The following FAF1 variants were observed in gnomAD, a reference collection of about 807,000 sequenced individuals.
FAF1 encodes the protein Fas associated factor 1.
A neutral mutation model predicts 92.5 loss-of-function variants in FAF1; 25 were observed. That is an observed-to-expected ratio of 0.27 (90% CI 0.20 to 0.38). The LOEUF (loss-of-function observed/expected upper bound fraction) is 0.38, where lower values mean the gene tolerates loss of function less well. Ranked by LOEUF, FAF1 falls within the 10% of genes least tolerant of loss-of-function variation. FAF1 has a pLI of 1.00. For missense variants in FAF1, 636 were observed against 793.3 expected, an observed-to-expected ratio of 0.80 and a Z score of 2.38; for synonymous variants, 234 against 273.2, an observed-to-expected ratio of 0.86 and a Z score of 1.42.
intron 2 of FAF1, among the ~76,000 whole-genome samples, chr1:50,853,724 T>C (rs1353937419): frequency 2.0e-5 from 3 of 152,088 alleles, no homozygotes; most frequent in Non-Finnish European, 4.4e-5. Context: ...GAAATTTTAA[T>C]TTATTGAAGG....
At chr1:50,798,887 G>C (rs1020073849) in intron 3 of FAF1, among the ~76,000 whole-genome samples, 2 of 152,074 alleles carry the variant, frequency 1.3e-5, no homozygotes, top group Non-Finnish European at 2.9e-5. Context: ...TTTTCTGTTC[G>C]TGTTTTTTTT....
chr1:50,565,109 C>T (rs977502205), intron 13 of FAF1, among the ~76,000 whole-genome samples: 2 of 151,830 alleles, frequency 1.3e-5, no homozygotes, highest in African/African-American at 4.8e-5. Context: ...AACTCAGTAC[C>T]CAGTAATTAT....
At position 50,830,658 on chromosome 1, in the gene FAF1, A is replaced by ATT. The variant is rs59396661; in HGVS notation, c.114+27269_114+27270dup. ...ATACTGTGGCTTCCTCCAGTGCTCA[A>ATT]TTTTTTTTTTTTTTTTACCAACTCC... On this transcript the variant is annotated intron_variant, in intron 2 of 18. Transcript: ENST00000396153. Among the ~76,000 whole-genome samples the ATT allele has an allele frequency of 4.4e-3, 638 of 143,824 alleles. 2 individuals are homozygous for ATT. Among genetic ancestry groups the ATT allele is most frequent in the Middle Eastern group, 7.5e-3 (2 of 268 alleles). The allele number at this position is 143,824 out of a possible 152,430, so 94.4% of individuals were successfully genotyped here. A position where few individuals can be genotyped will look rare whatever the true frequency, so the allele number is the denominator to read the frequency against.
intron 6 of FAF1, among the ~76,000 whole-genome samples, chr1:50,710,654 G>A (rs1401635271): frequency 6.6e-6 from 1 of 151,726 alleles, no homozygotes; most frequent in Non-Finnish European, 1.5e-5. Context: ...CCAGGCTGGA[G>A]TGCAGTGGTG....
At chr1:50,701,332 C>G (rs534248084) in intron 7 of FAF1, among the ~76,000 whole-genome samples, 1 of 152,048 alleles carries the variant, frequency 6.6e-6, no homozygotes, top group Non-Finnish European at 1.5e-5. Context: ...TTCTCAGTTA[C>G]CCTACTCTTA....
chr1:50,488,660 T>C (rs901300464), intron 17 of FAF1, among the ~76,000 whole-genome samples: 2 of 152,230 alleles, frequency 1.3e-5, no homozygotes, highest in Non-Finnish European at 2.9e-5. Context: ...TGTACTGGAA[T>C]GGAGTATGAG....
At chr1:50,747,298 G>T (rs1438095137) in intron 4 of FAF1, among the ~76,000 whole-genome samples, 5 of 152,208 alleles carry the variant, frequency 3.3e-5, no homozygotes, top group African/African-American at 1.2e-4. Context: ...AGCCACAGGG[G>T]TGTAGCTGCC....
intron 6 of FAF1, among the ~76,000 whole-genome samples, chr1:50,726,057 A>G (rs1234641193): frequency 1.3e-5 from 2 of 152,020 alleles, no homozygotes; most frequent in East Asian, 3.9e-4. Context: ...GTTCGAGACC[A>G]GCCTGGCCAA....
chr1:50,789,411 C>A (rs1661486413), intron 3 of FAF1, among the ~76,000 whole-genome samples: 1 of 152,148 alleles, frequency 6.6e-6, no homozygotes, highest in African/African-American at 2.4e-5. Flanking sequence ...TTAGTATTTC[C>A]TCAAGTCTGA....
intron 5 of FAF1, among the ~76,000 whole-genome samples, chr1:50,743,177 A>C (rs545239141): frequency 2.8e-4 from 43 of 152,262 alleles, no homozygotes; most frequent in African/African-American, 1.0e-3. Flanking sequence ...TGCCAACCCA[A>C]ACTTCCTGTA....
At chr1:50,935,692 G>A (rs1006469138) in intron 1 of FAF1, among the ~76,000 whole-genome samples, 43 of 147,990 alleles carry the variant, frequency 2.9e-4, no homozygotes, top group Admixed American at 5.4e-4. Context: ...AGGCTGACTC[G>A]AACTCCTGAC....
intron 6 of FAF1, among the ~76,000 whole-genome samples, chr1:50,724,485 G>A (rs1323594887): frequency 2.6e-5 from 4 of 152,052 alleles, no homozygotes; most frequent in African/African-American, 9.7e-5. Flanking sequence ...TGGGTATAGT[G>A]GAGTGCATAA....
At chr1:50,444,281 G>A (rs908109641) in intron 18 of FAF1, among the ~76,000 whole-genome samples, 2 of 152,190 alleles carry the variant, frequency 1.3e-5, no homozygotes. Context: ...GGGACCTCCT[G>A]CTTAGGAAAG....
At chr1:50,922,458 CAAAAAAAAAAA>C (rs33971185) in intron 1 of FAF1, among the ~76,000 whole-genome samples, 49 of 37,274 alleles carry the variant, frequency 1.3e-3, no homozygotes, top group South Asian at 9.6e-3. Context: ...GACTCTGCCT[CAAAAAAAAAAA>C]AAAAAAAAAA....
At chr1:50,577,405 G>A (rs1392658305) in intron 12 of FAF1, among the ~76,000 whole-genome samples, 1 of 152,134 alleles carries the variant, frequency 6.6e-6, no homozygotes, top group Non-Finnish European at 1.5e-5. Flanking sequence ...CGCACCTGTA[G>A]TCCCAGCTAC....
intron 7 of FAF1, among the ~76,000 whole-genome samples, chr1:50,691,484 C>T (rs537605682): frequency 3.3e-5 from 5 of 152,290 alleles, no homozygotes; most frequent in South Asian, 4.1e-4. Flanking sequence ...TCAAGTAATC[C>T]GCTGGCCTTG....
intron 4 of FAF1, among the ~76,000 whole-genome samples, chr1:50,761,694 T>G (rs971238385): frequency 6.6e-6 from 1 of 152,182 alleles, no homozygotes; most frequent in African/African-American, 2.4e-5. Context: ...TATCTCAAAA[T>G]AGTAAGAGCT....
chr1:50,659,109 T>C (rs1655257685), intron 7 of FAF1, among the ~76,000 whole-genome samples: 1 of 152,176 alleles, frequency 6.6e-6, no homozygotes. Context: ...AAAAAGTTAG[T>C]ATTCTAGGAA....
chr1:50,582,794 C>T, intron 11 of FAF1, 95 bp from the exon 12 acceptor site: 1 of 797,924 alleles, frequency 1.3e-6, no homozygotes, highest in Non-Finnish European at 2.2e-6. Context: ...AATGTTGGGG[C>T]TAATGTCTAG....
Sources: gnomAD v4.1 joint callset for allele counts (sites outside exome capture counted in the v4.1 genomes callset) on GRCh38, gnomAD v4.1.1 for gene constraint, MANE v1.5 for transcripts, NCBI Gene and HGNC (gene_info 2026-07-23, HGNC 2026-07-21) for gene names.